Variants in RASGEF1C observed in about 807,000 individuals in gnomAD.
RASGEF1C encodes RasGEF domain family member 1C.
RASGEF1C carries 27 observed loss-of-function variants against 58.1 expected under a neutral mutation model. The ratio of observed to expected loss-of-function variants is 0.46; its 90% CI spans 0.34 to 0.64. RASGEF1C has a LOEUF of 0.64. Among genes scored for constraint, RASGEF1C ranks in the 30% least tolerant of loss-of-function variants. RASGEF1C has a pLI of 0.01. For synonymous variants in RASGEF1C, 243 were observed against 246.3 expected (o/e 0.99, Z 0.13); for missense variants, 502 against 605.1 (o/e 0.83, Z 1.79).
intron 1 of RASGEF1C, among the ~76,000 whole-genome samples, chr5:180,208,431 A>G (rs545536332): frequency 1.3e-5 from 2 of 152,234 alleles, no homozygotes; most frequent in East Asian, 1.9e-4. Flanking sequence ...CAATCTAAAT[A>G]CAATGAGTGG....
rs972097375 is a variant in RASGEF1C at position 180,140,508 on chromosome 5, A to C, written c.-6-2450T>G. Among the ~76,000 whole-genome samples, 12 of 152,236 alleles carry C rather than the reference A, an allele frequency of 7.9e-5. 1 individual carries two copies. In the South Asian group the frequency reaches 1.5e-3, roughly 18 times the overall value. ...GGCGTGCTGTGAGGGAAAGGGGGTG[A>C]CCACTCTCTGTGCTCACTGCGGTGG... On this transcript the variant is annotated intron_variant, in intron 1 of 13. Coordinates refer to ENST00000361132, the MANE Select transcript of RASGEF1C (RefSeq NM_175062.4).
In RASGEF1C at chr5:180,107,078, C is replaced by T. The variant is rs1028133373; in HGVS notation, c.1303+4379G>A. On this transcript the variant is annotated intron_variant, in intron 12 of 13. Transcript: ENST00000361132. ...TGTGCTTTATCTGAAATTAATATTG[C>T]TACTCTTGCTTTCCTCTAATTAATA... 7.2e-5 allele frequency among the ~76,000 whole-genome samples: 11 copies of T among 152,200 alleles called. No homozygotes were observed. The East Asian group carries it at 1.5e-3, about 21-fold the overall frequency.
intron 12 of RASGEF1C, among the ~76,000 whole-genome samples, chr5:180,103,287 C>T (rs1351487010): frequency 6.6e-6 from 1 of 152,188 alleles, no homozygotes; most frequent in East Asian, 1.9e-4. Context: ...CCGTGTTAGC[C>T]AGGATGGTCT....
intron 5 of RASGEF1C, among the ~76,000 whole-genome samples, 157 bp from the exon 6 acceptor site, chr5:180,127,840 G>C (rs1338532193): frequency 2.0e-5 from 3 of 152,310 alleles, no homozygotes; most frequent in East Asian, 3.9e-4. Context: ...GTTTTAGGTT[G>C]TCACAGAGCT....
Position 180,115,280 on chromosome 5 carries a change from G to A in RASGEF1C, c.1084-739C>T, listed in dbSNP as rs577913520. On this transcript the variant is annotated intron_variant, in intron 10 of 13. Coordinates refer to ENST00000361132, the MANE Select transcript of RASGEF1C (RefSeq NM_175062.4). Reference sequence around the variant, plus strand: ...CTGCTCGCCTCGGCCTCCCAAGGTGGCCTCCTTTTTAAAAAAAAAAAAAAA... The same window carrying A: ...CTGCTCGCCTCGGCCTCCCAAGGTGACCTCCTTTTTAAAAAAAAAAAAAAA... The A allele has an allele frequency of 5.5e-4, 237 of 432,776 alleles. 4 individuals carry two copies. Among genetic ancestry groups the A allele is most frequent in the South Asian group, 3.8e-3 (232 of 61,588 alleles). 26.8% of individuals were successfully genotyped at this position (432,776 alleles called of 1,614,324 possible).
At chr5:180,138,527 G>A (rs1766526033) in intron 1 of RASGEF1C, among the ~76,000 whole-genome samples, 1 of 152,142 alleles carries the variant, frequency 6.6e-6, no homozygotes, top group Admixed American at 6.5e-5. Context: ...CCTTGAGCTG[G>A]TGGAATGTAT....
intron 6 of RASGEF1C, among the ~76,000 whole-genome samples, chr5:180,125,134 A>G (rs534956627): frequency 5.9e-5 from 9 of 152,288 alleles, no homozygotes; most frequent in Non-Finnish European, 1.0e-4. Flanking sequence ...CTCTGTCTCA[A>G]AAATACCAAC....
chr5:180,199,983 C>T (rs1335752821), intron 1 of RASGEF1C, among the ~76,000 whole-genome samples: 1 of 152,132 alleles, frequency 6.6e-6, no homozygotes, highest in African/African-American at 2.4e-5. Flanking sequence ...AAAATCGGGT[C>T]GGACGTGGTG....
In RASGEF1C at chr5:180,168,939, G is replaced by T. The variant is rs1352147109; in HGVS notation, c.-6-30881C>A. ...CCCTGAGTGCAGGCTTGGCTAGAGC[G>T]GGGGAAAAACGGCAAACCTACTTCC... is the stretch of plus-strand genomic sequence containing the variant. On this transcript the variant is annotated intron_variant, in intron 1 of 13. Transcript: ENST00000361132. This position sits in a 1 kb window ranked among gnomAD's most constrained non-coding sequence, Gnocchi z 6.0. Among the ~76,000 whole-genome samples the T allele has an allele frequency of 6.6e-6, 1 of 152,080 alleles. No individual in the cohort carries two copies. Among genetic ancestry groups the T allele is most frequent in the Non-Finnish European group, 1.5e-5 (1 of 68,018 alleles).
chr5:180,121,527 A>G (rs1766173281), intron 6 of RASGEF1C, among the ~76,000 whole-genome samples: 1 of 151,978 alleles, frequency 6.6e-6, no homozygotes, highest in South Asian at 2.1e-4. Context: ...GTTAGCCAGG[A>G]TGGTCTCCAT....
chr5:180,169,534 C>T (rs1204980903), intron 1 of RASGEF1C, among the ~76,000 whole-genome samples: 1 of 135,936 alleles, frequency 7.4e-6, no homozygotes, highest in African/African-American at 2.8e-5. Flanking sequence ...CAACAGGGCC[C>T]AAGGGGAAGG....
At chr5:180,175,473 A>G (rs529361392) in intron 1 of RASGEF1C, among the ~76,000 whole-genome samples, 1 of 152,202 alleles carries the variant, frequency 6.6e-6, no homozygotes, top group African/African-American at 2.4e-5. Context: ...CAGCCCCCTG[A>G]GTCCTGCTAA....
At chr5:180,141,209 C>G (rs1199694087) in intron 1 of RASGEF1C, among the ~76,000 whole-genome samples, 1 of 152,218 alleles carries the variant, frequency 6.6e-6, no homozygotes, top group Admixed American at 6.5e-5. Flanking sequence ...GAGGACCTTT[C>G]CATGGCAGGG....
intron 12 of RASGEF1C, among the ~76,000 whole-genome samples, chr5:180,108,497 A>G (rs1019437034): frequency 6.6e-6 from 1 of 151,996 alleles, no homozygotes; most frequent in Non-Finnish European, 1.5e-5. Flanking sequence ...CACCGCGCCC[A>G]GCCGTTTCAG....
At chr5:180,119,928 G>A (rs1422248957) in intron 7 of RASGEF1C, among the ~76,000 whole-genome samples, 4 of 151,980 alleles carry the variant, frequency 2.6e-5, no homozygotes, top group South Asian at 2.1e-4. Flanking sequence ...CCAGGCGCTC[G>A]GGACTTCAGA....
chr5:180,154,583 C>CTT (rs113429753), intron 1 of RASGEF1C, among the ~76,000 whole-genome samples: 19,954 of 140,438 alleles, frequency 0.14, 1,547 homozygotes, highest in East Asian at 0.18. Context: ...ACTCTGGACT[C>CTT]TTTTTTTTTT....
chr5:180,111,728 G>A (rs950446624), intron 11 of RASGEF1C, 148 bp from the exon 12 acceptor site: 42 of 781,408 alleles, frequency 5.4e-5, no homozygotes, highest in Middle Eastern at 3.0e-4. Context: ...ATGAGGGCGA[G>A]AGCAGTCCTG....
intron 1 of RASGEF1C, among the ~76,000 whole-genome samples, chr5:180,142,124 A>C (rs1345950340): frequency 1.3e-5 from 2 of 152,040 alleles, no homozygotes; most frequent in African/African-American, 4.8e-5. Flanking sequence ...TGTCAGCATG[A>C]GGGGCTCAGC....
Position 180,156,511 on chromosome 5 carries a change from T to C in RASGEF1C, c.-6-18453A>G, listed in dbSNP as rs376393567. ...AGGGCCAGGCATGGTGGCTCACACC[T>C]GTAATCCTAGCACTTTGGGAAGCTG... On this transcript the variant is annotated intron_variant, in intron 1 of 13. Coordinates refer to ENST00000361132, the MANE Select transcript of RASGEF1C (RefSeq NM_175062.4). This position sits in a 1 kb window ranked among gnomAD's most constrained non-coding sequence, Gnocchi z 4.9. Among the ~76,000 whole-genome samples, 24 of 152,234 alleles carry C rather than the reference T, an allele frequency of 1.6e-4. No homozygotes were observed. Among genetic ancestry groups the C allele is most frequent in the African/African-American group, 5.8e-4 (24 of 41,460 alleles).
Sources: gnomAD v4.1 joint callset for allele counts (sites outside exome capture counted in the v4.1 genomes callset) on GRCh38, gnomAD v4.1.1 for gene constraint, Gnocchi (gnomAD v3.1) non-coding constraint, MANE v1.5 for transcripts, NCBI Gene and HGNC (gene_info 2026-07-23, HGNC 2026-07-21) for gene names.